The following UTS2 variants were observed in gnomAD, a reference collection of about 807,000 sequenced individuals.
The protein encoded by UTS2 is urotensin-2.
A neutral mutation model predicts 12.6 loss-of-function variants in UTS2; 10 were observed. That is an observed-to-expected ratio of 0.80 (90% CI 0.49 to 1.35). UTS2 has a LOEUF of 1.35. Ranked by LOEUF, UTS2 falls within the 40% of genes most tolerant of loss-of-function variation. The probability of loss-of-function intolerance (pLI) is 0.00; values close to 1 mark genes in which losing one functional copy is unlikely to be tolerated. For synonymous variants in UTS2, 52 were observed against 50.0 expected, an observed-to-expected ratio of 1.04 and a Z score of -0.17; for missense variants, 142 against 143.2, an observed-to-expected ratio of 0.99 and a Z score of 0.04.
chr1:7,873,055 A>T, the UTS2 span, among the ~76,000 whole-genome samples: 1 of 152,230 alleles, frequency 6.6e-6, no homozygotes, highest in African/African-American at 2.4e-5. Context: ...CAATGGAACA[A>T]TGAAGCTTAA....
the UTS2 span, among the ~76,000 whole-genome samples, chr1:7,865,554 T>C: frequency 1.3e-5 from 2 of 151,952 alleles, 1 homozygote; most frequent in Non-Finnish European, 2.9e-5. Context: ...TGTGTCCTAA[T>C]TGCTTCTTCT....
the UTS2 span, among the ~76,000 whole-genome samples, chr1:7,863,017 TGTA>T: frequency 4.3e-5 from 1 of 23,434 alleles, no homozygotes; most frequent in African/African-American, 1.3e-4. Context: ...TGTATTGTAT[TGTA>T]TTGTATTGTA....
chr1:7,901,233 G>A, the UTS2 span, among the ~76,000 whole-genome samples: 2 of 152,184 alleles, frequency 1.3e-5, no homozygotes, highest in South Asian at 2.1e-4. Context: ...GCTATTGGAA[G>A]ACTACTGCAG....
the UTS2 span, among the ~76,000 whole-genome samples, chr1:7,876,758 GA>G: frequency 0.64 from 96,945 of 151,872 alleles, 31,170 homozygotes; most frequent in East Asian, 0.74. Flanking sequence ...CACATATACA[GA>G]AAAAAAGTCT....
the UTS2 span, among the ~76,000 whole-genome samples, chr1:7,891,027 A>AATGCC: frequency 1.3e-5 from 2 of 151,336 alleles, no homozygotes; most frequent in Non-Finnish European, 3.0e-5. Flanking sequence ...TGGGCAAACA[A>AATGCC]ATGGTGGTAC....
At chr1:7,897,155 T>C in the UTS2 span, among the ~76,000 whole-genome samples, 1 of 152,244 alleles carries the variant, frequency 6.6e-6, no homozygotes. Context: ...GTTTACTTTT[T>C]ACTATGTTAA....
chr1:7,869,273 C>T, the UTS2 span, among the ~76,000 whole-genome samples: 1 of 152,166 alleles, frequency 6.6e-6, no homozygotes, highest in Non-Finnish European at 1.5e-5. Context: ...CCTCAAATGA[C>T]CTTGACCATC....
the UTS2 span, among the ~76,000 whole-genome samples, chr1:7,902,360 G>A: frequency 6.6e-4 from 100 of 152,246 alleles, no homozygotes; most frequent in Non-Finnish European, 1.4e-3. Context: ...GGGGGAAAGC[G>A]GGAAGTCGGG....
chr1:7,855,200 C>A (rs1638282202), upstream of UTS2, among the ~76,000 whole-genome samples: 1 of 148,950 alleles, frequency 6.7e-6, no homozygotes, highest in African/African-American at 2.4e-5. Context: ...CCATAGATAC[C>A]ATTTTTGTAA....
chr1:7,892,033 A>G, the UTS2 span, among the ~76,000 whole-genome samples: 1 of 152,084 alleles, frequency 6.6e-6, no homozygotes, highest in Non-Finnish European at 1.5e-5. Context: ...ATCCCTCAAG[A>G]TTCAGGGCTG....
chr1:7,909,647 G>A, the UTS2 span, among the ~76,000 whole-genome samples: 3 of 151,390 alleles, frequency 2.0e-5, no homozygotes, highest in Non-Finnish European at 4.4e-5. Flanking sequence ...TTGAGACGGA[G>A]TCTCACTCTG....
the UTS2 span, among the ~76,000 whole-genome samples, chr1:7,866,103 C>A: frequency 6.6e-6 from 1 of 152,184 alleles, no homozygotes; most frequent in African/African-American, 2.4e-5. This position sits in a 1 kb window ranked among gnomAD's most constrained non-coding sequence, Gnocchi z 4.5. Flanking sequence ...TTGGAGGAAC[C>A]GTCATGGTCG....
At chr1:7,848,938 T>C (rs1393850078) in intron 3 of UTS2, among the ~76,000 whole-genome samples, 1 of 152,080 alleles carries the variant, frequency 6.6e-6, no homozygotes, top group Non-Finnish European at 1.5e-5. Flanking sequence ...AAGATGCAGA[T>C]TTTGCTTCCG....
At chr1:7,866,277 G>A in the UTS2 span, among the ~76,000 whole-genome samples, 5 of 152,144 alleles carry the variant, frequency 3.3e-5, no homozygotes, top group African/African-American at 4.8e-5. The surrounding 1 kb of genome is among the most constrained non-coding windows in gnomAD (Gnocchi z 4.5). Flanking sequence ...AGGGAGAAAC[G>A]TCTGGTGGGC....
chr1:7,861,593 C>T, the UTS2 span, among the ~76,000 whole-genome samples: 10 of 152,138 alleles, frequency 6.6e-5, no homozygotes, highest in Admixed American at 2.6e-4. Flanking sequence ...CTTTTGCACG[C>T]GGTGTCCTCA....
At chr1:7,853,122 T>G, upstream of UTS2, 2 of 1,204,698 alleles carry the variant, frequency 1.7e-6, no homozygotes, top group Non-Finnish European at 2.2e-6. Context: ...CATCATCCTC[T>G]CCAAAAAAAA....
rs1340689967 is a variant in UTS2, at chr1:7,852,913, A to G, written c.91T>C (p.Phe31Leu). Reference sequence around the variant, plus strand: ...AAAAAAATCTTACCTGAGAGTTGAAAGGATATTTCCCTGGAGTCAAGGAGA... The same window carrying G: ...AAAAAAATCTTACCTGAGAGTTGAAGGGATATTTCCCTGGAGTCAAGGAGA... ...LPLLDSREISFQLSAPHEDAR... is the reference protein window; with the variant it reads ...LPLLDSREISLQLSAPHEDAR... Residue 31 changes from phenylalanine (F) to leucine (L), a missense_variant, in exon 1 of 4, where the codon TTT (phenylalanine) becomes CTT (leucine). Transcript: ENST00000361696. 1.2e-6 allele frequency: 2 copies of G among 1,606,658 alleles called. No homozygotes were observed. Among genetic ancestry groups the G allele is most frequent in the Non-Finnish European group, 1.7e-6 (2 of 1,177,718 alleles).
chr1:7,885,446 G>C, the UTS2 span, among the ~76,000 whole-genome samples: 6 of 152,164 alleles, frequency 3.9e-5, no homozygotes, highest in African/African-American at 1.4e-4. Flanking sequence ...GGAAGGACAG[G>C]AGATGGCCCC....
the UTS2 span, among the ~76,000 whole-genome samples, chr1:7,882,617 T>C: frequency 6.6e-6 from 1 of 152,144 alleles, no homozygotes; most frequent in African/African-American, 2.4e-5. Flanking sequence ...ATCAACAGCA[T>C]GAAGAGACAA....
Sources: gnomAD v4.1 joint callset for allele counts (sites outside exome capture counted in the v4.1 genomes callset) on GRCh38, gnomAD v4.1.1 for gene constraint, Gnocchi (gnomAD v3.1) non-coding constraint, MANE v1.5 for transcripts, NCBI Gene and HGNC (gene_info 2026-07-23, HGNC 2026-07-21) for gene names.